The following PHACTR4 variants were observed in gnomAD, a reference collection of about 807,000 sequenced individuals.
PHACTR4 encodes phosphatase and actin regulator 4, also known as protein phosphatase 1, regulatory subunit 124.
A neutral mutation model predicts 72.7 loss-of-function variants in PHACTR4; 51 were observed. The ratio of observed to expected loss-of-function variants is 0.70; its 90% confidence interval spans 0.56 to 0.89. The LOEUF (loss-of-function observed/expected upper bound fraction) is 0.89. Among genes scored for constraint, PHACTR4 ranks in the 40% least tolerant of loss-of-function variants. The pLI, the probability that PHACTR4 is intolerant of heterozygous loss-of-function variation, is 0.00. For synonymous variants in PHACTR4, 255 were observed against 302.5 expected (o/e 0.84, Z 1.63); for missense variants, 731 against 861.8 (o/e 0.85, Z 1.90).
chr1:28,381,465 A>AT (rs1652162954), intron 1 of PHACTR4, among the ~76,000 whole-genome samples: 1 of 148,972 alleles, frequency 6.7e-6, no homozygotes, highest in Non-Finnish European at 1.5e-5. Flanking sequence ...CGCCTGGCTA[A>AT]TTTTTTGTGT....
At position 28,488,707 on chromosome 1, in the gene PHACTR4, C is replaced by T. The variant is rs540793586; in HGVS notation, c.1761-463C>T. ...GAAGAAGTTTTGTGAAAAAAAAAATCTATATATAGATATATGTAATTTCAT... is the reference window on the plus strand; with the variant it reads ...GAAGAAGTTTTGTGAAAAAAAAAATTTATATATAGATATATGTAATTTCAT... On this transcript the variant is annotated intron_variant, in intron 9 of 13. Transcript: ENST00000373839. Among the ~76,000 whole-genome samples, 13 of 151,910 alleles carry T rather than the reference C, an allele frequency of 8.6e-5. No homozygotes were observed. In the South Asian group the frequency reaches 2.5e-3, roughly 29 times the overall value.
chr1:28,415,849 G>A (rs1246693751), intron 2 of PHACTR4, among the ~76,000 whole-genome samples: 1 of 152,160 alleles, frequency 6.6e-6, no homozygotes, highest in African/African-American at 2.4e-5. Context: ...AATAGGAGAA[G>A]TAGTTTGTTA....
At chr1:28,390,909 A>G (rs1462685073) in intron 1 of PHACTR4, among the ~76,000 whole-genome samples, 1 of 152,014 alleles carries the variant, frequency 6.6e-6, no homozygotes, top group Non-Finnish European at 1.5e-5. Flanking sequence ...AGCCTGGGCA[A>G]CATGGTGAAA....
intron 2 of PHACTR4, among the ~76,000 whole-genome samples, chr1:28,424,750 A>G (rs1655725118): frequency 1.3e-5 from 2 of 151,658 alleles, no homozygotes; most frequent in African/African-American, 4.8e-5. Flanking sequence ...AGCCTCCCAA[A>G]GTGCTGGGAT....
At chr1:28,398,570 G>T (rs1653699632) in intron 1 of PHACTR4, among the ~76,000 whole-genome samples, 1 of 152,070 alleles carries the variant, frequency 6.6e-6, no homozygotes, top group Non-Finnish European at 1.5e-5. Flanking sequence ...TGTAATCCCA[G>T]CACTTTGGGA....
At chr1:28,485,954 A>G (rs1204584683) in intron 9 of PHACTR4, among the ~76,000 whole-genome samples, 1 of 152,142 alleles carries the variant, frequency 6.6e-6, no homozygotes, top group African/African-American at 2.4e-5. Context: ...TTCAAAAGGT[A>G]GATCTCATAG....
At chr1:28,466,111 CT>C (rs1473379700) in intron 5 of PHACTR4, among the ~76,000 whole-genome samples, 1 of 152,186 alleles carries the variant, frequency 6.6e-6, no homozygotes, top group Non-Finnish European at 1.5e-5. Flanking sequence ...ACACATTCCA[CT>C]TCTTTCACCC....
Position 28,419,624 on chromosome 1 carries a change from AC to A in PHACTR4, c.16+12162del, listed in dbSNP as rs1655381065. On this transcript the variant is annotated intron_variant, in intron 2 of 13. Coordinates refer to ENST00000373839, the MANE Select transcript of PHACTR4 (RefSeq NM_001048183.3). ...ATGCCTGGCTAATCTATAAATAGTT[AC>A]AAATTATTACCTTGATAGGTCAAAA... Among the ~76,000 whole-genome samples, 2 of 152,118 alleles carry A rather than the reference AC, an allele frequency of 1.3e-5. 1 individual carries two copies. Among genetic ancestry groups the A allele is most frequent in the South Asian group, 4.1e-4 (2 of 4,822 alleles).
chr1:28,466,980 C>T (rs1011597719), intron 6 of PHACTR4: 7 of 560,972 alleles, frequency 1.2e-5, no homozygotes, highest in Admixed American at 3.5e-5. Flanking sequence ...TTTGGGAGGC[C>T]GAGGTGGGTG....
Position 28,473,723 on chromosome 1 carries a change from CT to C in PHACTR4, c.994del (p.Ser332ArgfsTer6), listed in dbSNP as rs746273775. On this transcript the variant is annotated frameshift_variant, in exon 7 of 14. Coordinates refer to ENST00000373839, the MANE Select transcript of PHACTR4 (RefSeq NM_001048183.3). LOFTEE classifies it high-confidence loss of function. The part of the protein sequence containing the change: ...EREKSTCSMG[S>X]ELLPMISPRS... ...GAGAGAAGAGCACGTGTTCTATGGG[CT>C]CGGAACTACTACCAATGATCTCACC... The C allele has an allele frequency of 1.9e-6, 3 of 1,614,004 alleles. No individual in the cohort carries two copies. The highest frequency in any genetic ancestry group is 2.5e-6 in the Non-Finnish European group (3 of 1,180,042).
At chr1:28,488,320 A>G (rs143498585) in intron 9 of PHACTR4, among the ~76,000 whole-genome samples, 2,591 of 151,228 alleles carry the variant, frequency 0.017, 36 homozygotes, top group Non-Finnish European at 0.025. Flanking sequence ...ACACGGTGAA[A>G]CCCCGTCTCT....
intron 1 of PHACTR4, among the ~76,000 whole-genome samples, chr1:28,398,969 C>T (rs1024017268): frequency 3.9e-5 from 6 of 152,052 alleles, no homozygotes; most frequent in African/African-American, 1.2e-4. Context: ...GAAGGTATTC[C>T]GGAAGACACG....
At chr1:28,398,776 G>A (rs908032721) in intron 1 of PHACTR4, among the ~76,000 whole-genome samples, 4 of 151,940 alleles carry the variant, frequency 2.6e-5, no homozygotes, top group Non-Finnish European at 4.4e-5. Flanking sequence ...CCAAGATCGC[G>A]CTACTGCACT....
At chr1:28,448,473 C>G (rs1302233295) in intron 2 of PHACTR4, among the ~76,000 whole-genome samples, 1 of 150,982 alleles carries the variant, frequency 6.6e-6, no homozygotes, top group Non-Finnish European at 1.5e-5. Context: ...GATAAGGTGG[C>G]CGGGCGCTGT....
chr1:28,495,939 T>G (rs1661321558), intron 13 of PHACTR4, among the ~76,000 whole-genome samples: 1 of 151,832 alleles, frequency 6.6e-6, no homozygotes, highest in African/African-American at 2.4e-5. Context: ...TTGTTTTTTA[T>G]TTAAAGGGTA....
chr1:28,484,149 C>T (rs1409800732), intron 9 of PHACTR4, among the ~76,000 whole-genome samples: 2 of 152,010 alleles, frequency 1.3e-5, no homozygotes, highest in African/African-American at 2.4e-5. Flanking sequence ...ATGGTGAAAC[C>T]CCATCTACTA....
At chr1:28,474,703 C>T (rs921183712) in intron 7 of PHACTR4, among the ~76,000 whole-genome samples, 1 of 151,424 alleles carries the variant, frequency 6.6e-6, no homozygotes, top group African/African-American at 2.4e-5. Flanking sequence ...CCACCACATT[C>T]GGCTGATTTT....
At chr1:28,447,105 G>A (rs1657534710) in intron 2 of PHACTR4, among the ~76,000 whole-genome samples, 1 of 151,786 alleles carries the variant, frequency 6.6e-6, no homozygotes, top group Admixed American at 6.6e-5. Flanking sequence ...CTACCTCCTG[G>A]GTTCAAAGTA....
intron 2 of PHACTR4, among the ~76,000 whole-genome samples, chr1:28,412,625 C>T (rs1253513018): frequency 2.0e-5 from 3 of 152,166 alleles, no homozygotes; most frequent in Non-Finnish European, 4.4e-5. Flanking sequence ...CAGTTTTGCT[C>T]ACCATTGCTT....
Sources: gnomAD v4.1 joint callset for allele counts (sites outside exome capture counted in the v4.1 genomes callset) on GRCh38, gnomAD v4.1.1 for gene constraint, MANE v1.5 for transcripts, NCBI Gene and HGNC (gene_info 2026-07-23, HGNC 2026-07-21) for gene names.